SCTR: variants seen among roughly 807,000 people sequenced by gnomAD.
SCTR encodes the protein secretin receptor.
A neutral mutation model predicts 60.8 loss-of-function variants in SCTR; 56 were observed. That is an observed-to-expected ratio of 0.92 (90% CI 0.74 to 1.15). The LOEUF (loss-of-function observed/expected upper bound fraction) is 1.15. SCTR is among the 50% of genes most tolerant of loss of function. The probability of loss-of-function intolerance (pLI) is 0.00; values close to 1 mark genes in which losing one functional copy is unlikely to be tolerated. For missense variants in SCTR, 562 were observed against 550.4 expected, an observed-to-expected ratio of 1.02 and a Z score of -0.21; for synonymous variants, 202 against 217.0, an observed-to-expected ratio of 0.93 and a Z score of 0.61.
chr2:119,443,877 T>C (rs1480273496), intron 11 of SCTR, among the ~76,000 whole-genome samples: 1 of 152,106 alleles, frequency 6.6e-6, no homozygotes, highest in Non-Finnish European at 1.5e-5. Flanking sequence ...TATATGACAG[T>C]GATGGTGTTA....
At chr2:119,451,950 G>A in intron 9 of SCTR, 60 bp downstream of exon 9, 1 of 1,048,770 alleles carries the variant, frequency 9.5e-7, no homozygotes, top group Non-Finnish European at 1.5e-6. Flanking sequence ...GCCCCTGTGG[G>A]CTGGTCACCA....
chr2:119,470,098 A>G (rs1163799734), intron 4 of SCTR, among the ~76,000 whole-genome samples: 2 of 152,162 alleles, frequency 1.3e-5, no homozygotes, highest in African/African-American at 4.8e-5. Context: ...ATAAAACTTT[A>G]TTTACAAAAG....
At chr2:119,461,265 T>A (rs906777065) in intron 7 of SCTR, among the ~76,000 whole-genome samples, 1 of 152,206 alleles carries the variant, frequency 6.6e-6, no homozygotes, top group Non-Finnish European at 1.5e-5. Flanking sequence ...GAATGCACCG[T>A]CTAAAGGCAG....
chr2:119,464,615 G>A (rs1683755770), intron 5 of SCTR, among the ~76,000 whole-genome samples: 1 of 152,214 alleles, frequency 6.6e-6, no homozygotes, highest in South Asian at 2.1e-4. Flanking sequence ...TGGGCATGGT[G>A]GTGCCTGCCT....
chr2:119,456,363 A>G (rs59892035), intron 7 of SCTR, among the ~76,000 whole-genome samples: 2,311 of 152,156 alleles, frequency 0.015, 60 homozygotes, highest in African/African-American at 0.052. Flanking sequence ...CCTGGACTTC[A>G]GCTTGTTTTA....
rs758222024 is a variant in SCTR, at chr2:119,464,226, T to C, written c.533A>G (p.His178Arg). Residue 178 changes from histidine (H) to arginine (R), a missense_variant, in exon 6 of 13, where the codon CAC becomes CGC. Transcript: ENST00000019103. Reference sequence around the variant, plus strand: ...GATGAAGGACACGAACAGGTGCATGTGGATGTAGTTGCGAGTGCAGTGGAG... The same window carrying C: ...GATGAAGGACACGAACAGGTGCATGCGGATGTAGTTGCGAGTGCAGTGGAG... ...RRLHCTRNYI[H>R]MHLFVSFILR... is the part of the protein sequence containing the mutation. 1 of 1,614,156 alleles carries C rather than the reference T, an allele frequency of 6.2e-7. No individual in the cohort carries two copies. Among genetic ancestry groups the C allele is most frequent in the Non-Finnish European group, 8.5e-7 (1 of 1,180,016 alleles).
At chr2:119,453,052 G>C (rs569366251) in intron 8 of SCTR, among the ~76,000 whole-genome samples, 1 of 152,200 alleles carries the variant, frequency 6.6e-6, no homozygotes, top group African/African-American at 2.4e-5. Flanking sequence ...CCCACATGCA[G>C]AGCGGACAGG....
chr2:119,519,182 T>C (rs1171886865), intron 1 of SCTR, among the ~76,000 whole-genome samples: 1 of 152,092 alleles, frequency 6.6e-6, no homozygotes, highest in Non-Finnish European at 1.5e-5. Context: ...CGGACTGGTC[T>C]CAGACTGGTC....
At chr2:119,485,960 G>A (rs936854129) in intron 2 of SCTR, 2 of 152,134 alleles carry the variant, frequency 1.3e-5, no homozygotes, top group Admixed American at 6.5e-5. Flanking sequence ...GGGGCAGCCT[G>A]GTGAGGTTTC....
At chr2:119,488,957 C>G (rs565823403) in intron 2 of SCTR, among the ~76,000 whole-genome samples, 1 of 152,202 alleles carries the variant, frequency 6.6e-6, no homozygotes, top group Admixed American at 6.5e-5. Context: ...CTGCTCATTT[C>G]GTCAGATCCA....
At position 119,524,158 on chromosome 2, in the gene SCTR, G is replaced by C. The variant is rs1306995423; in HGVS notation, c.69C>G (p.His23Gln). The C allele has an allele frequency of 1.3e-6, 2 of 1,538,502 alleles. No individual in the cohort carries two copies. Among genetic ancestry groups the C allele is most frequent in the Non-Finnish European group, 1.8e-6 (2 of 1,140,970 alleles). Residue 23 changes from histidine (H) to glutamine (Q), a missense_variant, in exon 1 of 13, where the codon CAC becomes CAG. By Grantham distance (24) the His-to-Gln change is conservative (BLOSUM62 0). Coordinates refer to ENST00000019103, the MANE Select transcript of SCTR (RefSeq NM_002980.3). ...TGCAGAAGGGCGCAGTACTCACCGA[G>C]TGCGCGGCGCAGGCGAGCAGCACCG... ...LLPVLLACAA[H>Q]STGALPRLCD...
chr2:119,487,318 A>C (rs1485644189), intron 2 of SCTR: 1 of 152,246 alleles, frequency 6.6e-6, no homozygotes, highest in Non-Finnish European at 1.5e-5. Context: ...TGTGAATTTC[A>C]CCTCAATAAA....
chr2:119,464,757 T>C (rs1468707452), intron 5 of SCTR, among the ~76,000 whole-genome samples: 2 of 152,066 alleles, frequency 1.3e-5, no homozygotes, highest in Admixed American at 1.3e-4. Context: ...GCTGGGGCTG[T>C]AGGGGCAACA....
intron 2 of SCTR, 127 bp downstream of exon 2, chr2:119,494,301 G>T (rs931940609): frequency 9.4e-6 from 10 of 1,058,286 alleles, no homozygotes; most frequent in Non-Finnish European, 1.3e-5. Flanking sequence ...CCAGCTGATT[G>T]TCTGAGTGAG....
intron 1 of SCTR, among the ~76,000 whole-genome samples, chr2:119,508,276 G>C (rs1424982304): frequency 6.6e-6 from 1 of 151,824 alleles, no homozygotes; most frequent in Non-Finnish European, 1.5e-5. Context: ...GCTGGACTAA[G>C]AGGACTAAAC....
Position 119,452,066 on chromosome 2 carries a change from T to C in SCTR, c.865A>G (p.Asn289Asp), listed in dbSNP as rs768933447. The C allele has an allele frequency of 6.2e-7, 1 of 1,606,802 alleles. No homozygotes were observed. The highest frequency in any genetic ancestry group is 2.2e-5 in the East Asian group (1 of 44,788). Residue 289 changes from asparagine to aspartate, a missense_variant, in exon 9 of 13, where the codon AAT (asparagine) becomes GAT (aspartate). By Grantham distance (23) the Asn-to-Asp change is conservative. Coordinates refer to ENST00000019103, the MANE Select transcript of SCTR (RefSeq NM_002980.3). ...FLEDVGCWDI[N>D]ANASIWWIIR... Reference sequence around the variant, plus strand: ...ATCCACCAGATGGATGCGTTGGCATTGATGTCCCAGCACCTAAGGGAGGGA... The same window carrying C: ...ATCCACCAGATGGATGCGTTGGCATCGATGTCCCAGCACCTAAGGGAGGGA...
intron 4 of SCTR, among the ~76,000 whole-genome samples, chr2:119,472,000 A>T (rs950589577): frequency 1.3e-5 from 2 of 152,208 alleles, no homozygotes; most frequent in African/African-American, 2.4e-5. Flanking sequence ...TTTATTGGGC[A>T]CCTCATAGGT....
chr2:119,450,190 C>G (rs1683108484), intron 9 of SCTR, among the ~76,000 whole-genome samples: 1 of 152,008 alleles, frequency 6.6e-6, no homozygotes, highest in Admixed American at 6.6e-5. Context: ...GAAAGAAAGT[C>G]TTTAAGTTCC....
intron 7 of SCTR, among the ~76,000 whole-genome samples, chr2:119,459,791 T>C (rs1024517828): frequency 2.6e-5 from 4 of 152,226 alleles, no homozygotes; most frequent in African/African-American, 9.6e-5. Flanking sequence ...TTGTAATCCC[T>C]GAACACAGGA....
Sources: gnomAD v4.1 joint callset for allele counts (sites outside exome capture counted in the v4.1 genomes callset) on GRCh38, gnomAD v4.1.1 for gene constraint, MANE v1.5 for transcripts, NCBI Gene and HGNC (gene_info 2026-07-23, HGNC 2026-07-21) for gene names.